Variants in CFAP44 observed in about 807,000 individuals in gnomAD.
CFAP44 encodes cilia and flagella associated protein 44.
CFAP44 carries 134 observed loss-of-function variants against 216.2 expected under a neutral mutation model. The observed-to-expected ratio is 0.62, with a 90% CI of 0.54 to 0.72. The LOEUF is 0.72. CFAP44 is among the 30% of genes least tolerant of loss of function. The probability of loss-of-function intolerance (pLI) is 0.00; values close to 1 mark genes in which losing one functional copy is unlikely to be tolerated. For synonymous variants in CFAP44, 700 were observed against 727.6 expected (o/e 0.96, Z 0.61); for missense variants, 2,035 against 2,182.1 (o/e 0.93, Z 1.34).
chr3:113,403,730 G>C, intron 9 of CFAP44, 122 bp downstream of exon 9: 1 of 1,056,780 alleles, frequency 9.5e-7, no homozygotes, highest in African/African-American at 1.6e-5. Context: ...AAGTGAGTTG[G>C]CCTTGGGAGT....
In CFAP44 at chr3:113,363,523, C is replaced by T; in HGVS notation, c.2725G>A (p.Glu909Lys). ...AKVPSPRFGI[E>K]TEPIPEDIED... ...ATGTCTTCTGGAATTGGCTCTGTTT[C>T]AATTCCAAACTATAGGAAGGGAAGT... is the stretch of plus-strand genomic sequence containing the variant. Residue 909 changes from glutamate (E) to lysine (K), a missense_variant, in exon 20 of 35, where the codon GAA (glutamate) becomes AAA (lysine). This residue lies in a region of CFAP44 where 1,883 missense variants were observed against 2,023.7 expected (regional missense o/e 0.93). Coordinates refer to ENST00000393845, the MANE Select transcript of CFAP44 (RefSeq NM_001164496.2). 6.2e-7 allele frequency: 1 copy of T among 1,608,978 alleles called. No homozygotes were observed. Among genetic ancestry groups the T allele is most frequent in the Non-Finnish European group, 8.5e-7 (1 of 1,177,772 alleles).
intron 17 of CFAP44, among the ~76,000 whole-genome samples, chr3:113,374,624 C>A (rs2107328373): frequency 6.6e-6 from 1 of 152,106 alleles, no homozygotes; most frequent in South Asian, 2.1e-4. Flanking sequence ...TGGGAACAAT[C>A]CAAGTGTCTA....
At chr3:113,306,779 G>T (rs1239809591) in intron 29 of CFAP44, among the ~76,000 whole-genome samples, 1 of 152,094 alleles carries the variant, frequency 6.6e-6, no homozygotes, top group Non-Finnish European at 1.5e-5. Flanking sequence ...ATGTAGAAAT[G>T]GAATACTAAA....
chr3:113,332,306 G>A (rs571082020), intron 25 of CFAP44, among the ~76,000 whole-genome samples: 19 of 152,258 alleles, frequency 1.2e-4, no homozygotes, highest in African/African-American at 4.6e-4. Context: ...CCATTTTGAT[G>A]AGAAACACAC....
At chr3:113,317,459 C>T (rs1457864421) in intron 28 of CFAP44, among the ~76,000 whole-genome samples, 1 of 152,194 alleles carries the variant, frequency 6.6e-6, no homozygotes, top group Non-Finnish European at 1.5e-5. Context: ...CAGTCACTGC[C>T]GGGGCCCATG....
At chr3:113,310,588 G>C (rs1950028445) in intron 28 of CFAP44, among the ~76,000 whole-genome samples, 1 of 152,232 alleles carries the variant, frequency 6.6e-6, no homozygotes, top group African/African-American at 2.4e-5. Flanking sequence ...TCAATTAAAA[G>C]TCACTCATAC....
At chr3:113,372,174 T>C (rs964643277) in intron 18 of CFAP44, among the ~76,000 whole-genome samples, 4 of 152,232 alleles carry the variant, frequency 2.6e-5, no homozygotes, top group African/African-American at 9.6e-5. Flanking sequence ...AGTGTGGCGA[T>C]TCCTCAAGGA....
chr3:113,405,095 CTCTAT>C (rs991453635), intron 8 of CFAP44, among the ~76,000 whole-genome samples: 3 of 152,134 alleles, frequency 2.0e-5, no homozygotes, highest in Non-Finnish European at 4.4e-5. Context: ...CTTTGGGAAA[CTCTAT>C]TCTAATTTTT....
chr3:113,344,277 C>T (rs1375379114), intron 23 of CFAP44, among the ~76,000 whole-genome samples: 1 of 151,946 alleles, frequency 6.6e-6, no homozygotes, highest in African/African-American at 2.4e-5. Context: ...TTACAAACTA[C>T]ATTAAAGAGG....
At chr3:113,388,598 G>A (rs1933713279) in intron 15 of CFAP44, among the ~76,000 whole-genome samples, 1 of 152,002 alleles carries the variant, frequency 6.6e-6, no homozygotes, top group African/African-American at 2.4e-5. Flanking sequence ...GAAATGAGAT[G>A]GCTGAATGGA....
At chr3:113,395,483 TA>T (rs1933963936) in intron 15 of CFAP44, among the ~76,000 whole-genome samples, 1 of 152,148 alleles carries the variant, frequency 6.6e-6, no homozygotes. Context: ...AAGCCTGATA[TA>T]ACCCTGGTTT....
intron 1 of CFAP44, among the ~76,000 whole-genome samples, chr3:113,440,275 T>G (rs968345284): frequency 6.6e-6 from 1 of 152,114 alleles, no homozygotes; most frequent in Non-Finnish European, 1.5e-5. Flanking sequence ...TGGCCAGACT[T>G]GTCTCGAACT....
At chr3:113,400,910 G>T (rs1175661819) in intron 11 of CFAP44, among the ~76,000 whole-genome samples, 1 of 151,906 alleles carries the variant, frequency 6.6e-6, no homozygotes, top group Non-Finnish European at 1.5e-5. Context: ...AAATGAGATG[G>T]TAACAGCTGC....
chr3:113,424,209 G>A (rs769408955), intron 4 of CFAP44, among the ~76,000 whole-genome samples: 4 of 152,074 alleles, frequency 2.6e-5, no homozygotes, highest in Admixed American at 6.5e-5. Context: ...AGGCCAAGGC[G>A]GGCAGATCAC....
At chr3:113,378,075 T>C (rs1193849965) in intron 17 of CFAP44, among the ~76,000 whole-genome samples, 2 of 152,218 alleles carry the variant, frequency 1.3e-5, no homozygotes, top group East Asian at 3.8e-4. Context: ...GGGATCTCAC[T>C]ATATTACACA....
At chr3:113,306,975 A>C (rs986536832) in intron 29 of CFAP44, among the ~76,000 whole-genome samples, 5 of 152,216 alleles carry the variant, frequency 3.3e-5, no homozygotes, top group African/African-American at 1.2e-4. Flanking sequence ...CAAGATAAAA[A>C]CTTTATCTGA....
intron 5 of CFAP44, among the ~76,000 whole-genome samples, chr3:113,418,218 G>T (rs1934703779): frequency 6.6e-6 from 1 of 152,036 alleles, no homozygotes; most frequent in Admixed American, 6.6e-5. Flanking sequence ...CTCCCAAGTA[G>T]CTGGGATTAT....
At chr3:113,355,563 T>C (rs1413768125) in intron 22 of CFAP44, among the ~76,000 whole-genome samples, 1 of 152,166 alleles carries the variant, frequency 6.6e-6, no homozygotes, top group Non-Finnish European at 1.5e-5. Context: ...TCATGTCCTT[T>C]GCAGGAACAT....
chr3:113,317,392 A>G (rs927817369), intron 28 of CFAP44, among the ~76,000 whole-genome samples: 1 of 152,240 alleles, frequency 6.6e-6, no homozygotes, highest in Non-Finnish European at 1.5e-5. Context: ...AGGAGAGAGC[A>G]GGGCCGGCTT....
Sources: gnomAD v4.1 joint callset for allele counts (sites outside exome capture counted in the v4.1 genomes callset) on GRCh38, gnomAD v4.1.1 for gene constraint, gnomAD v4.1.1 regional missense constraint, MANE v1.5 for transcripts, NCBI Gene and HGNC (gene_info 2026-07-23, HGNC 2026-07-21) for gene names.